Variants in ELAPOR2 observed in about 807,000 individuals in gnomAD.
The protein encoded by ELAPOR2 is endosome/lysosome-associated apoptosis and autophagy regulator family member 2.
In ELAPOR2, 89 loss-of-function variants were observed where a neutral mutation model predicts 120.7. That is an observed-to-expected ratio of 0.74 (90% CI 0.62 to 0.88). ELAPOR2 has a LOEUF of 0.88. ELAPOR2 is among the 40% of genes least tolerant of loss of function. The pLI, the probability that ELAPOR2 is intolerant of heterozygous loss-of-function variation, is 0.00. For missense variants in ELAPOR2, 1,134 were observed against 1,251.6 expected (o/e 0.91, Z 1.42); for synonymous variants, 444 against 444.9 (o/e 1.00, Z 0.03).
At chr7:86,931,696 C>A (rs1790335995) in intron 8 of ELAPOR2, among the ~76,000 whole-genome samples, 1 of 151,642 alleles carries the variant, frequency 6.6e-6, no homozygotes, top group Admixed American at 6.6e-5. Flanking sequence ...GAGTAAGAAC[C>A]AGTCCCTGTA....
intron 1 of ELAPOR2, among the ~76,000 whole-genome samples, chr7:86,967,289 G>A (rs1256253386): frequency 6.6e-6 from 1 of 151,998 alleles, no homozygotes; most frequent in Non-Finnish European, 1.5e-5. Context: ...GCGAAACCCT[G>A]TCTCTACTAA....
intron 1 of ELAPOR2, among the ~76,000 whole-genome samples, chr7:86,971,554 T>C (rs551578291): frequency 2.6e-5 from 4 of 152,200 alleles, no homozygotes; most frequent in Admixed American, 6.6e-5. Flanking sequence ...ACATGCATCG[T>C]TCTATTATCT....
In ELAPOR2 at chr7:87,024,416, A is replaced by G. The variant is rs1191216296; in HGVS notation, c.189+34909T>C. ...GCCTTGCATCCCAGGGATGAAGCCC[A>G]CTTGATCATGGTGGATAAGCTTTTT... is the stretch of plus-strand genomic sequence containing the variant. On this transcript the variant is annotated intron_variant, in intron 1 of 21. Transcript: ENST00000450689. Among the ~76,000 whole-genome samples the G allele has an allele frequency of 9.2e-5, 14 of 152,276 alleles. No homozygotes were observed. In the East Asian group the frequency reaches 2.5e-3, roughly 27 times the overall value.
At chr7:86,976,441 T>C (rs777274017) in intron 1 of ELAPOR2, among the ~76,000 whole-genome samples, 3 of 152,130 alleles carry the variant, frequency 2.0e-5, no homozygotes, top group East Asian at 1.9e-4. Context: ...TGTGCAAATA[T>C]GGAATATACT....
chr7:86,985,070 A>AC (rs1792667744), intron 1 of ELAPOR2, among the ~76,000 whole-genome samples: 1 of 152,184 alleles, frequency 6.6e-6, no homozygotes, highest in Non-Finnish European at 1.5e-5. Flanking sequence ...TACACAAAAA[A>AC]ACTAGAAAAT....
chr7:87,015,550 G>A (rs1048238070), intron 1 of ELAPOR2, among the ~76,000 whole-genome samples: 1 of 152,164 alleles, frequency 6.6e-6, no homozygotes, highest in African/African-American at 2.4e-5. Flanking sequence ...CACTTTGGGA[G>A]CCAAGGCAGG....
intron 10 of ELAPOR2, among the ~76,000 whole-genome samples, chr7:86,923,709 G>T (rs1246960259): frequency 6.6e-6 from 1 of 152,010 alleles, no homozygotes. Flanking sequence ...TGCACATAAT[G>T]ATTGCATAAT....
intron 1 of ELAPOR2, among the ~76,000 whole-genome samples, chr7:87,058,404 C>T (rs1795329045): frequency 6.6e-6 from 1 of 152,130 alleles, no homozygotes; most frequent in Admixed American, 6.5e-5. Flanking sequence ...CCTCCCAACA[C>T]AATCAAAGTA....
intron 21 of ELAPOR2, among the ~76,000 whole-genome samples, chr7:86,888,642 T>C (rs911106162): frequency 6.6e-6 from 1 of 152,086 alleles, no homozygotes; most frequent in Non-Finnish European, 1.5e-5. Context: ...CACCAACATC[T>C]CATTTCCATA....
At chr7:86,894,412 CTT>C (rs936870533) in intron 19 of ELAPOR2, among the ~76,000 whole-genome samples, 2 of 151,984 alleles carry the variant, frequency 1.3e-5, no homozygotes, top group African/African-American at 4.8e-5. Flanking sequence ...CAAATGTTGA[CTT>C]TATTTCAAGT....
rs1799289604 is a variant in ELAPOR2, at chr7:86,879,290, C to A, written c.*1181G>T. ...ATCCAAGTCGTGCTAATACCAGTAG[C>A]CCACCATAGAAAATATCACAATTAT... On this transcript the variant is annotated 3_prime_UTR_variant, in exon 22 of 22. Coordinates refer to ENST00000450689, the MANE Select transcript of ELAPOR2 (RefSeq NM_001142749.3). 1 of 152,098 alleles carries A rather than the reference C, an allele frequency of 6.6e-6. No individual in the cohort carries two copies. The highest frequency in any genetic ancestry group is 2.4e-5 in the African/African-American group (1 of 41,426). 9.4% of individuals were successfully genotyped at this position (152,098 alleles called of 1,614,324 possible).
chr7:86,919,831 G>A (rs1789743977), intron 10 of ELAPOR2: 1 of 152,570 alleles, frequency 6.6e-6, no homozygotes, highest in African/African-American at 2.4e-5. Flanking sequence ...GTAAGACAAA[G>A]TCCCCCTCAC....
In ELAPOR2 at chr7:86,912,967, A is replaced by G. The variant is rs1425761757; in HGVS notation, c.1969T>C (p.Cys657Arg). 4 of 1,613,904 alleles carry G rather than the reference A, an allele frequency of 2.5e-6. No individual in the cohort carries two copies. Among genetic ancestry groups the G allele is most frequent in the Non-Finnish European group, 3.4e-6 (4 of 1,179,970 alleles). The change falls in exon 14 of 22, where the codon TGC becomes CGC. Residue 657 changes from cysteine (C) to arginine (R), a missense_variant. By Grantham distance (180) the Cys-to-Arg change is radical (BLOSUM62 -3). Around this residue, in one of 3 missense-constraint regions of ELAPOR2, gnomAD observed 831 missense variants for 867.6 expected, o/e 0.96. Transcript: ENST00000450689. ...QVYGKEACIP[C>R]GPGSKNNQDH... ...TGATTGTTTTTACTCCCAGGCCCGC[A>G]TGGAATACAAGCCTCTTTGCCATAG...
chr7:86,927,346 C>G (rs967591567), intron 8 of ELAPOR2, among the ~76,000 whole-genome samples: 1 of 151,914 alleles, frequency 6.6e-6, no homozygotes, highest in African/African-American at 2.4e-5. Flanking sequence ...ACATAGCAAT[C>G]ACAAAAAGGT....
intron 19 of ELAPOR2, among the ~76,000 whole-genome samples, chr7:86,895,045 G>T (rs552512094): frequency 1.1e-4 from 17 of 151,984 alleles, no homozygotes; most frequent in African/African-American, 4.1e-4. Flanking sequence ...AAAAGTGCAC[G>T]CTCAATCAAC....
intron 2 of ELAPOR2, among the ~76,000 whole-genome samples, chr7:86,963,822 T>C (rs1233019434): frequency 1.3e-5 from 2 of 152,174 alleles, no homozygotes; most frequent in Non-Finnish European, 2.9e-5. Flanking sequence ...CAGATGCTCT[T>C]GTCTCTTAAG....
At chr7:86,992,523 T>C (rs1292438809) in intron 1 of ELAPOR2, among the ~76,000 whole-genome samples, 1 of 151,838 alleles carries the variant, frequency 6.6e-6, no homozygotes, top group African/African-American at 2.4e-5. Flanking sequence ...TAAAACTGAG[T>C]TTTCCAAGAT....
At chr7:87,007,161 C>T (rs2373338) in intron 1 of ELAPOR2, among the ~76,000 whole-genome samples, 57,475 of 151,928 alleles carry the variant, frequency 0.38, 11,718 homozygotes, top group African/African-American at 0.53. Flanking sequence ...TGAAACTGTA[C>T]ACTTAACATT....
In ELAPOR2 at chr7:86,925,667, C is replaced by T; in HGVS notation, c.1271-11G>A. On this transcript the variant is annotated splice_polypyrimidine_tract_variant and intron_variant, in intron 9 of 21. Transcript: ENST00000450689. ...GACATGGTCTACATTCTACAGGAGA[C>T]AAGTAGGGTCAACAATTAAAATTAA... is the stretch of plus-strand genomic sequence containing the variant. The T allele has an allele frequency of 1.2e-6, 2 of 1,610,264 alleles. No individual in the cohort carries two copies. The highest frequency in any genetic ancestry group is 1.1e-5 in the South Asian group (1 of 90,940).
Sources: gnomAD v4.1 joint callset for allele counts (sites outside exome capture counted in the v4.1 genomes callset) on GRCh38, gnomAD v4.1.1 for gene constraint, gnomAD v4.1.1 regional missense constraint, MANE v1.5 for transcripts, NCBI Gene and HGNC (gene_info 2026-07-23, HGNC 2026-07-21) for gene names.